CNTNAP4: variants seen among roughly 807,000 people sequenced by gnomAD.
CNTNAP4 encodes the protein contactin-associated protein-like 4.
A neutral mutation model predicts 148.4 loss-of-function variants in CNTNAP4; 98 were observed. The observed-to-expected ratio is 0.66, with a 90% confidence interval of 0.56 to 0.78. The LOEUF (loss-of-function observed/expected upper bound fraction) is 0.78. Ranked by LOEUF, CNTNAP4 falls within the 30% of genes least tolerant of loss-of-function variation. The probability of loss-of-function intolerance (pLI) is 0.00; values close to 1 mark genes in which losing one functional copy is unlikely to be tolerated. For missense variants in CNTNAP4, 1,935 were observed against 1,565.6 expected (o/e 1.24, Z -3.98); for synonymous variants, 730 against 565.1 (o/e 1.29, Z -4.14).
chr16:76,533,691 C>CTTAAAAAAAAAA (rs2084087960), intron 17 of CNTNAP4, among the ~76,000 whole-genome samples: 1 of 151,464 alleles, frequency 6.6e-6, no homozygotes, highest in African/African-American at 2.4e-5. Context: ...AAAAAAATGG[C>CTTAAAAAAAAAA]AGAAGTAAAT....
intron 15 of CNTNAP4, among the ~76,000 whole-genome samples, chr16:76,499,404 C>A (rs1487791628): frequency 6.6e-6 from 1 of 151,868 alleles, no homozygotes; most frequent in Non-Finnish European, 1.5e-5. Context: ...ATGACACTGA[C>A]CAGTTAAGAA....
At chr16:76,327,030 G>T (rs1963060871) in intron 2 of CNTNAP4, among the ~76,000 whole-genome samples, 1 of 152,062 alleles carries the variant, frequency 6.6e-6, no homozygotes, top group Non-Finnish European at 1.5e-5. Context: ...ATTAAGATGT[G>T]TCATGTGGAT....
intron 1 of CNTNAP4, among the ~76,000 whole-genome samples, chr16:76,278,404 A>G (rs907860196): frequency 4.6e-5 from 7 of 152,204 alleles, no homozygotes; most frequent in Admixed American, 3.9e-4. Context: ...CAAAAGTAGG[A>G]TTCCTTTGTG....
At chr16:76,426,001 AG>A (rs1324948336) in intron 3 of CNTNAP4, among the ~76,000 whole-genome samples, 1 of 152,128 alleles carries the variant, frequency 6.6e-6, no homozygotes, top group African/African-American at 2.4e-5. Context: ...AGTTCTGGTG[AG>A]GTGATGCTTT....
In CNTNAP4 at chr16:76,355,407, A is replaced by G. The variant is rs1270041746; in HGVS notation, c.286A>G (p.Thr96Ala). The G allele has an allele frequency of 6.2e-7, 1 of 1,611,262 alleles. No individual in the cohort carries two copies. Among genetic ancestry groups the G allele is most frequent in the Non-Finnish European group, 8.5e-7 (1 of 1,178,476 alleles). The change falls in exon 3 of 24, where the codon ACT becomes GCT. Residue 96 changes from threonine (T) to alanine (A), a missense_variant. Transcript: ENST00000611870. ...GERMEVTAVA[T>A]QGGYGSSNWV... ...GAGAATGGAGGTCACCGCTGTGGCC[A>G]CTCAAGGGGGATATGGTAGCTCCAA...
intron 15 of CNTNAP4, among the ~76,000 whole-genome samples, chr16:76,504,637 T>G (rs1229595667): frequency 6.6e-6 from 1 of 152,096 alleles, no homozygotes; most frequent in African/African-American, 2.4e-5. Flanking sequence ...CTAAAAAGCT[T>G]CTGCCTTTAA....
At position 76,522,221 on chromosome 16, in the gene CNTNAP4, C is replaced by T; in HGVS notation, c.2719C>T (p.His907Tyr). Residue 907 changes from histidine to tyrosine, a missense_variant, in exon 17 of 24, where the codon CAT becomes TAT. By Grantham distance (83) the His-to-Tyr change is moderately conservative. Transcript: ENST00000611870. ...GACACAGCCCGCCCCCGCTGATGGGCATGTCCTGTTACAGCTCAACAGTCA... is the reference window on the plus strand; with the variant it reads ...GACACAGCCCGCCCCCGCTGATGGGTATGTCCTGTTACAGCTCAACAGTCA... ...PKTQPAPADGHVLLQLNSQLF... is the reference protein window; with the variant it reads ...PKTQPAPADGYVLLQLNSQLF... 12 of 1,613,940 alleles carry T rather than the reference C, an allele frequency of 7.4e-6. No individual in the cohort carries two copies. The highest frequency in any genetic ancestry group is 1.1e-5 in the South Asian group (1 of 91,082).
chr16:76,443,386 C>T (rs940805077), intron 4 of CNTNAP4, among the ~76,000 whole-genome samples: 112 of 152,118 alleles, frequency 7.4e-4, no homozygotes, highest in African/African-American at 2.6e-3. Context: ...GATTGTCTTC[C>T]CAGCCTGGGC....
chr16:76,479,389 T>C (rs371364297), intron 11 of CNTNAP4, 30 bp from the exon 12 acceptor site: 1 of 1,550,076 alleles, frequency 6.5e-7, no homozygotes, highest in South Asian at 1.3e-5. Context: ...TTTCATGCTA[T>C]TCCATTAATG....
At chr16:76,498,545 T>C (rs1423394499) in intron 14 of CNTNAP4, 22 bp from the exon 15 acceptor site, 12 of 1,597,958 alleles carry the variant, frequency 7.5e-6, no homozygotes, top group Non-Finnish European at 8.5e-6. Context: ...TTAAGAATTT[T>C]GTTGTTGCTA....
At chr16:76,296,112 A>G (rs370923426) in intron 1 of CNTNAP4, among the ~76,000 whole-genome samples, 1 of 152,254 alleles carries the variant, frequency 6.6e-6, no homozygotes, top group African/African-American at 2.4e-5. Flanking sequence ...TGTTTGAGGA[A>G]TATGCCATGG....
intron 3 of CNTNAP4, among the ~76,000 whole-genome samples, chr16:76,356,278 T>TTA (rs1252781462): frequency 6.6e-6 from 1 of 152,188 alleles, no homozygotes; most frequent in African/African-American, 2.4e-5. Flanking sequence ...ATATGGGGAT[T>TTA]TATATATATA....
At chr16:76,419,437 C>A (rs1447734669) in intron 3 of CNTNAP4, among the ~76,000 whole-genome samples, 1 of 152,042 alleles carries the variant, frequency 6.6e-6, no homozygotes, top group African/African-American at 2.4e-5. Flanking sequence ...TCATAGAATG[C>A]ATGGATGGGT....
chr16:76,394,370 A>C (rs1159099571), intron 3 of CNTNAP4, among the ~76,000 whole-genome samples: 2 of 152,216 alleles, frequency 1.3e-5, no homozygotes, highest in African/African-American at 4.8e-5. Flanking sequence ...TAGTGTGAAA[A>C]GTCTAAAAAA....
In CNTNAP4 at chr16:76,518,172, G is replaced by A. The variant is rs2083320919; in HGVS notation, c.2366-2968G>A. On this transcript the variant is annotated intron_variant, in intron 15 of 23. Transcript: ENST00000611870. ...ATGCAGAGTCTCATTCTGTCATCCA[G>A]GCTGGAATGCAGATGCATAATCTGG... Among the ~76,000 whole-genome samples the A allele has an allele frequency of 2.0e-5, 3 of 151,982 alleles. No homozygotes were observed. The South Asian group carries it at 6.2e-4, about 32-fold the overall frequency.
In CNTNAP4 at chr16:76,460,793, T is replaced by TATATATATATATATAC. The variant is rs1292198875; in HGVS notation, c.1334-1161_1334-1160insATATATATATATACAT. Among the ~76,000 whole-genome samples, 231 of 110,304 alleles carry TATATATATATATATAC rather than the reference T, an allele frequency of 2.1e-3. 2 individuals are homozygous for TATATATATATATATAC. The highest frequency in any genetic ancestry group is 6.4e-3 in the African/African-American group (170 of 26,698). The allele number at this position is 110,304 out of a possible 152,430, so 72.4% of individuals were successfully genotyped here. Reference sequence around the variant, plus strand: ...AAAAAAATATATATATATATATATATATTTAGAATTGTATATAAATATATA... The same window carrying TATATATATATATATAC: ...AAAAAAATATATATATATATATATATATATATATATATATACATTTAGAATTGTATATAAATATATA... On this transcript the variant is annotated intron_variant, in intron 8 of 23. Coordinates refer to ENST00000611870, the MANE Select transcript of CNTNAP4 (RefSeq NM_033401.5).
chr16:76,458,400 C>G (rs1490927367), intron 8 of CNTNAP4, among the ~76,000 whole-genome samples: 1 of 152,046 alleles, frequency 6.6e-6, no homozygotes, highest in African/African-American at 2.4e-5. Context: ...TTATTATGTA[C>G]TTTATTTCTA....
intron 1 of CNTNAP4, among the ~76,000 whole-genome samples, chr16:76,296,288 G>A (rs1959288664): frequency 6.6e-6 from 1 of 152,088 alleles, no homozygotes; most frequent in African/African-American, 2.4e-5. Context: ...GCATTATAAT[G>A]TTTTCCTGCC....
At chr16:76,537,612 T>C (rs923697602) in intron 18 of CNTNAP4, among the ~76,000 whole-genome samples, 5 of 152,172 alleles carry the variant, frequency 3.3e-5, no homozygotes, top group Non-Finnish European at 7.4e-5. Context: ...GCTTTCTTTT[T>C]ATAGTACACA....
Sources: allele counts gnomAD v4.1 joint callset (sites outside exome capture counted in the v4.1 genomes callset), GRCh38; gene constraint gnomAD v4.1.1; transcripts MANE v1.5; gene names NCBI Gene and HGNC (gene_info 2026-07-23, HGNC 2026-07-21).